INPP5F: variants seen among roughly 807,000 people sequenced by gnomAD.
The protein encoded by INPP5F is inositol polyphosphate-5-phosphatase F.
INPP5F carries 97 observed loss-of-function variants against 137.2 expected under a neutral mutation model. The observed-to-expected ratio is 0.71, with a 90% CI of 0.60 to 0.84. The LOEUF is 0.84. Among genes scored for constraint, INPP5F ranks in the 40% least tolerant of loss-of-function variants. The pLI is 0.00. For missense variants in INPP5F, 1,271 were observed against 1,371.9 expected, an observed-to-expected ratio of 0.93 and a Z score of 1.16; for synonymous variants, 504 against 476.9, an observed-to-expected ratio of 1.06 and a Z score of -0.74.
At chr10:119,791,051 C>A (rs1424705548) in intron 3 of INPP5F, among the ~76,000 whole-genome samples, 2 of 152,214 alleles carry the variant, frequency 1.3e-5, no homozygotes, top group Non-Finnish European at 2.9e-5. Context: ...GCTTTTAGGG[C>A]TCCCACTAGA....
chr10:119,818,124 C>G lies in INPP5F; in HGVS notation c.1887-2722C>G, dbSNP rs562338090. Among the ~76,000 whole-genome samples the G allele has an allele frequency of 3.3e-5, 5 of 152,356 alleles. 1 individual carries two copies. The highest frequency in any genetic ancestry group is 1.2e-4 in the African/African-American group (5 of 41,578). On this transcript the variant is annotated intron_variant, in intron 15 of 19. Coordinates refer to ENST00000650623, the MANE Select transcript of INPP5F (RefSeq NM_014937.4). ...GGCCCTTCTCCCATGCAAGGCTGAG[C>G]GCAGCTCTGTCCGGGCTACCTTAGA... is the stretch of plus-strand genomic sequence containing the variant.
At chr10:119,745,737 C>T (rs990373066) in intron 1 of INPP5F, among the ~76,000 whole-genome samples, 1 of 137,450 alleles carries the variant, frequency 7.3e-6, no homozygotes, top group Non-Finnish European at 1.5e-5. Flanking sequence ...TGAAGCCTCA[C>T]TCTGTTAGCC....
At chr10:119,800,035 A>G (rs1483403989) in intron 9 of INPP5F, among the ~76,000 whole-genome samples, 3 of 151,748 alleles carry the variant, frequency 2.0e-5, no homozygotes, top group Non-Finnish European at 2.9e-5. Flanking sequence ...ACTTTACTAA[A>G]TTATAAATAT....
chr10:119,779,914 A>G (rs772038249), intron 2 of INPP5F, among the ~76,000 whole-genome samples: 17 of 152,176 alleles, frequency 1.1e-4, no homozygotes, highest in Non-Finnish European at 2.4e-4. Flanking sequence ...GTAGGAGTAT[A>G]CCTAAAATAA....
At chr10:119,786,548 A>G (rs1234827717) in intron 3 of INPP5F, among the ~76,000 whole-genome samples, 1 of 152,218 alleles carries the variant, frequency 6.6e-6, no homozygotes, top group Non-Finnish European at 1.5e-5. Flanking sequence ...TTGCATTTAT[A>G]GTAATCTCAT....
At chr10:119,825,927 A>G in intron 19 of INPP5F, 1 of 398,540 alleles carries the variant, frequency 2.5e-6, no homozygotes, top group Non-Finnish European at 4.4e-6. Context: ...GGCAAATAGC[A>G]TCAACTTTTC....
intron 9 of INPP5F, chr10:119,799,311 A>C (rs1850501681): frequency 4.5e-6 from 2 of 448,042 alleles, no homozygotes; most frequent in South Asian, 3.2e-5. Context: ...TTTTTTCAGC[A>C]ACAAAAATGA....
intron 15 of INPP5F, among the ~76,000 whole-genome samples, chr10:119,817,236 A>T (rs963400307): frequency 1.3e-5 from 2 of 152,158 alleles, no homozygotes; most frequent in African/African-American, 4.8e-5. Flanking sequence ...TCTTCTCTTG[A>T]TGGGCATTTG....
At chr10:119,805,275 C>A in intron 10 of INPP5F, 109 bp from the exon 11 acceptor site, 1 of 751,866 alleles carries the variant, frequency 1.3e-6, no homozygotes, top group South Asian at 1.7e-5. Context: ...ATATGTACAG[C>A]AACAATTCTT....
chr10:119,822,007 C>T (rs1851587974), intron 16 of INPP5F, among the ~76,000 whole-genome samples: 1 of 151,596 alleles, frequency 6.6e-6, no homozygotes, highest in Non-Finnish European at 1.5e-5. Context: ...TCTCCTGCTT[C>T]AGCCTCCTGA....
intron 2 of INPP5F, among the ~76,000 whole-genome samples, chr10:119,762,658 A>T (rs1042283506): frequency 1.3e-5 from 2 of 152,236 alleles, no homozygotes; most frequent in Non-Finnish European, 2.9e-5. Flanking sequence ...TAAAGTATAC[A>T]GGAGGATGTG....
chr10:119,778,401 T>G (rs936834773), intron 2 of INPP5F, among the ~76,000 whole-genome samples: 1 of 152,164 alleles, frequency 6.6e-6, no homozygotes, highest in Non-Finnish European at 1.5e-5. Context: ...TAATTTTTGG[T>G]TTGGGGTCTA....
Position 119,827,246 on chromosome 10 carries a change from T to C in INPP5F, c.2865T>C (p.Pro955=), listed in dbSNP as rs1171820429. Residue 955 remains proline (P), a synonymous_variant, in exon 20 of 20, where the codon CCT becomes CCC. Transcript: ENST00000650623. ...DVHILTGFAK[P]MDIYCHRFVQ... is the part of the protein sequence containing the mutation. Reference sequence around the variant, plus strand: ...ACATATTGACTGGCTTTGCCAAGCCTATGGATATTTACTGCCACAGATTTG... The same window carrying C: ...ACATATTGACTGGCTTTGCCAAGCCCATGGATATTTACTGCCACAGATTTG... 2 of 1,614,040 alleles carry C rather than the reference T, an allele frequency of 1.2e-6. No individual in the cohort carries two copies. The highest frequency in any genetic ancestry group is 2.7e-5 in the African/African-American group (2 of 74,940).
chr10:119,826,806 C>A lies in INPP5F; in HGVS notation c.2425C>A (p.Pro809Thr), dbSNP rs1414476657. The A allele has an allele frequency of 2.5e-6, 4 of 1,613,560 alleles. No homozygotes were observed. Among genetic ancestry groups the A allele is most frequent in the Admixed American group, 1.7e-5 (1 of 59,930 alleles). ...CCGAAAGCTAGGAAACTTTACCAAA[C>A]CTGAAATGAAAGTTAACTTTCTAAA... ...NLRKLGNFTK[P>T]EMKVNFLKPN... is the part of the protein sequence containing the mutation. The change falls in exon 20 of 20, where the codon CCT becomes ACT. Residue 809 changes from proline (P) to threonine (T), a missense_variant. Pro to Thr is a conservative substitution (Grantham distance 38, BLOSUM62 -1). Transcript: ENST00000650623.
intron 3 of INPP5F, among the ~76,000 whole-genome samples, chr10:119,790,432 G>C (rs1335259498): frequency 2.0e-5 from 3 of 152,154 alleles, no homozygotes; most frequent in Admixed American, 1.3e-4. Context: ...TGTGAAACCT[G>C]TGTGGACAGT....
chr10:119,765,865 C>CTATATATATATATATA (rs551639582), intron 2 of INPP5F, among the ~76,000 whole-genome samples: 2 of 29,880 alleles, frequency 6.7e-5, no homozygotes, highest in African/African-American at 1.4e-4. Flanking sequence ...ACACTATATA[C>CTATATATATATATATA]TATATATATA....
chr10:119,796,982 A>C (rs1313452614), intron 7 of INPP5F, 69 bp downstream of exon 7: 10 of 1,355,888 alleles, frequency 7.4e-6, no homozygotes, highest in Non-Finnish European at 9.4e-6. Flanking sequence ...AGATGTGTTG[A>C]AATGCTAATG....
At chr10:119,744,510 G>C (rs1432122564) in intron 1 of INPP5F, among the ~76,000 whole-genome samples, 3 of 144,556 alleles carry the variant, frequency 2.1e-5, no homozygotes, top group Non-Finnish European at 4.5e-5. Flanking sequence ...ATTTTTTTTT[G>C]TCATCTGTCT....
chr10:119,791,805 A>G, intron 4 of INPP5F, 64 bp from the exon 5 acceptor site: 3 of 1,412,860 alleles, frequency 2.1e-6, no homozygotes, highest in South Asian at 1.4e-5. Context: ...TTAGGAATTT[A>G]TGTGTTATCC....
Sources: allele counts gnomAD v4.1 joint callset (sites outside exome capture counted in the v4.1 genomes callset), GRCh38; gene constraint gnomAD v4.1.1; transcripts MANE v1.5; gene names NCBI Gene and HGNC (gene_info 2026-07-23, HGNC 2026-07-21).